ZFHX4: variants seen among roughly 807,000 people sequenced by gnomAD.
ZFHX4 encodes the protein zinc finger homeobox protein 4.
A neutral mutation model predicts 267.6 loss-of-function variants in ZFHX4; 56 were observed. The ratio of observed to expected loss-of-function variants is 0.21; its 90% CI spans 0.17 to 0.26. The LOEUF is 0.26. Among genes scored for constraint, ZFHX4 ranks in the 10% least tolerant of loss-of-function variants. ZFHX4 has a pLI of 1.00. For synonymous variants in ZFHX4, 1,778 were observed against 1,665.6 expected (o/e 1.07, Z -1.64); for missense variants, 4,332 against 4,420.0 (o/e 0.98, Z 0.56).
At chr8:76,735,270 T>C (rs1033083078) in intron 3 of ZFHX4, among the ~76,000 whole-genome samples, 3 of 152,130 alleles carry the variant, frequency 2.0e-5, no homozygotes, top group African/African-American at 7.2e-5. Flanking sequence ...TAGGTGAATC[T>C]GTGAGTTGAG....
intron 10 of ZFHX4, among the ~76,000 whole-genome samples, chr8:76,861,310 G>A (rs1298254226): frequency 1.3e-5 from 2 of 152,034 alleles, no homozygotes; most frequent in East Asian, 3.8e-4. Context: ...AGATAAATTG[G>A]AGTGACAGCT....
chr8:76,687,769 G>A (rs1202009012), intron 1 of ZFHX4, among the ~76,000 whole-genome samples: 1 of 152,140 alleles, frequency 6.6e-6, no homozygotes, highest in Non-Finnish European at 1.5e-5. Context: ...TTGACAGAAA[G>A]GTAAACTGAT....
At chr8:76,788,753 A>T (rs1231083618) in intron 4 of ZFHX4, among the ~76,000 whole-genome samples, 1 of 152,198 alleles carries the variant, frequency 6.6e-6, no homozygotes, top group Non-Finnish European at 1.5e-5. Context: ...GCATTTTGTT[A>T]TAAAGAGCCA....
intron 4 of ZFHX4, among the ~76,000 whole-genome samples, chr8:76,784,500 C>CAG (rs1810635354): frequency 6.6e-6 from 1 of 151,982 alleles, no homozygotes; most frequent in Non-Finnish European, 1.5e-5. Flanking sequence ...TTGCTCTAGC[C>CAG]ATGGGTGATG....
Position 76,853,645 on chromosome 8 carries a change from C to A in ZFHX4, c.6724C>A (p.Gln2242Lys). 1 of 1,613,716 alleles carries A rather than the reference C, an allele frequency of 6.2e-7. No individual in the cohort carries two copies. The highest frequency in any genetic ancestry group is 1.3e-5 in the African/African-American group (1 of 75,008). ...TACTGACTACCAGCTTAGGGTTCTG[C>A]AAGACTTTTTTGACACAAACGCTTA... ...RFTDYQLRVL[Q>K]DFFDTNAYPK... Residue 2242 changes from glutamine to lysine, a missense_variant, in exon 10 of 11, where the codon CAA becomes AAA. Gln to Lys is a moderately conservative substitution (Grantham distance 53). Around this residue, in one of 7 missense-constraint regions of ZFHX4, gnomAD observed 62 missense variants for 69.8 expected, o/e 0.89. Coordinates refer to ENST00000651372, the MANE Select transcript of ZFHX4 (RefSeq NM_024721.5).
chr8:76,722,793 A>G (rs575991620), intron 3 of ZFHX4, among the ~76,000 whole-genome samples: 5 of 152,064 alleles, frequency 3.3e-5, no homozygotes, highest in South Asian at 4.1e-4. Flanking sequence ...CATCCACTCT[A>G]TTGGTGTTGC....
intron 5 of ZFHX4, among the ~76,000 whole-genome samples, chr8:76,841,386 G>T (rs964381574): frequency 1.3e-5 from 2 of 152,014 alleles, no homozygotes; most frequent in African/African-American, 4.8e-5. Context: ...AAACATGGGG[G>T]GTGGAGAGGG....
intron 4 of ZFHX4, among the ~76,000 whole-genome samples, chr8:76,781,055 A>G (rs755292884): frequency 6.6e-5 from 10 of 152,026 alleles, no homozygotes; most frequent in Non-Finnish European, 1.5e-4. Flanking sequence ...CAATAATGTG[A>G]GTATTTGCTA....
chr8:76,796,286 G>A (rs1052817336), intron 4 of ZFHX4, among the ~76,000 whole-genome samples: 1 of 152,124 alleles, frequency 6.6e-6, no homozygotes, highest in African/African-American at 2.4e-5. Flanking sequence ...TATAGAAATT[G>A]TATTATTTTA....
chr8:76,835,411 G>C (rs1015089084), intron 5 of ZFHX4, among the ~76,000 whole-genome samples: 3 of 151,214 alleles, frequency 2.0e-5, no homozygotes, highest in Non-Finnish European at 4.4e-5. Context: ...CCAGTTTCCA[G>C]ATTTATCCAG....
At chr8:76,692,599 T>G (rs914055692) in intron 1 of ZFHX4, among the ~76,000 whole-genome samples, 1 of 152,126 alleles carries the variant, frequency 6.6e-6, no homozygotes, top group African/African-American at 2.4e-5. Flanking sequence ...AATGCATTAT[T>G]CTGGAGGACT....
At chr8:76,685,858 A>C (rs551297879) in intron 1 of ZFHX4, among the ~76,000 whole-genome samples, 4 of 152,312 alleles carry the variant, frequency 2.6e-5, no homozygotes, top group Non-Finnish European at 5.9e-5. Flanking sequence ...TTTGTGGCTG[A>C]ATGACTTAGC....
In ZFHX4 at chr8:76,863,439, A is replaced by G. The variant is rs753021319; in HGVS notation, c.9725A>G (p.Gln3242Arg). The G allele has an allele frequency of 6.2e-7, 1 of 1,613,970 alleles. No individual in the cohort carries two copies. Among genetic ancestry groups the G allele is most frequent in the South Asian group, 1.1e-5 (1 of 91,068 alleles). ...GGTGAAACACATGTCGATCCTATTC[A>G]GTTGCAGGCATTACAGAATGCAATT... ...VVGETHVDPI[Q>R]LQALQNAIAG... Residue 3242 changes from glutamine to arginine, a missense_variant, in exon 11 of 11, where the codon CAG (glutamine) becomes CGG (arginine). This residue lies in a region of ZFHX4 where 1,648 missense variants were observed against 1,625.0 expected (regional missense o/e 1.01). Transcript: ENST00000651372.
intron 3 of ZFHX4, among the ~76,000 whole-genome samples, chr8:76,731,737 A>G (rs989184317): frequency 6.6e-6 from 1 of 151,980 alleles, no homozygotes; most frequent in Non-Finnish European, 1.5e-5. Flanking sequence ...GTGTCAATAT[A>G]TATTTTGGAA....
At chr8:76,726,451 A>C (rs753187495) in intron 3 of ZFHX4, among the ~76,000 whole-genome samples, 2 of 152,164 alleles carry the variant, frequency 1.3e-5, no homozygotes, top group African/African-American at 2.4e-5. Context: ...ATAACTTGGG[A>C]ATATGGAAAT....
At chr8:76,687,328 CAT>C (rs1807716287) in intron 1 of ZFHX4, among the ~76,000 whole-genome samples, 1 of 152,154 alleles carries the variant, frequency 6.6e-6, no homozygotes, top group Admixed American at 6.5e-5. Context: ...CTTGTTTGTA[CAT>C]GTTTCCCTTG....
intron 4 of ZFHX4, among the ~76,000 whole-genome samples, chr8:76,822,616 T>C (rs993881111): frequency 1.3e-5 from 2 of 152,002 alleles, no homozygotes; most frequent in African/African-American, 2.4e-5. Context: ...ATTTTGTTTT[T>C]GTTTGTTGTA....
intron 3 of ZFHX4, among the ~76,000 whole-genome samples, chr8:76,742,497 A>T (rs1456634383): frequency 1.3e-5 from 2 of 152,132 alleles, no homozygotes; most frequent in Non-Finnish European, 2.9e-5. Context: ...TAGATATTGC[A>T]CTTAATACTA....
chr8:76,801,017 A>G (rs1004074683), intron 4 of ZFHX4, among the ~76,000 whole-genome samples: 1 of 152,172 alleles, frequency 6.6e-6, no homozygotes, highest in Admixed American at 6.5e-5. Context: ...ACATTCTTTT[A>G]TCTTTTTAAA....
Sources: gnomAD v4.1 joint callset for allele counts (sites outside exome capture counted in the v4.1 genomes callset) on GRCh38, gnomAD v4.1.1 for gene constraint, gnomAD v4.1.1 regional missense constraint, MANE v1.5 for transcripts, NCBI Gene and HGNC (gene_info 2026-07-23, HGNC 2026-07-21) for gene names.